Variants in STK32A observed in about 807,000 individuals in gnomAD.
The protein encoded by STK32A is serine/threonine-protein kinase 32A.
In STK32A, 41 loss-of-function variants were observed where a neutral mutation model predicts 53.2. The observed-to-expected ratio is 0.77, with a 90% CI of 0.60 to 1.00. The LOEUF (loss-of-function observed/expected upper bound fraction) is 1.00. Among genes scored for constraint, STK32A ranks in the 50% least tolerant of loss-of-function variants. The pLI, the probability that STK32A is intolerant of heterozygous loss-of-function variation, is 0.00. For synonymous variants in STK32A, 166 were observed against 162.8 expected, an observed-to-expected ratio of 1.02 and a Z score of -0.15; for missense variants, 458 against 485.8, an observed-to-expected ratio of 0.94 and a Z score of 0.54.
intron 11 of STK32A, chr5:147,375,942 C>G (rs1029623108): frequency 4.6e-5 from 7 of 152,132 alleles, no homozygotes; most frequent in African/African-American, 1.7e-4. Flanking sequence ...ATCCACACGA[C>G]CATTTCCATT....
At chr5:147,298,817 T>C (rs999480832) in intron 4 of STK32A, among the ~76,000 whole-genome samples, 6 of 152,168 alleles carry the variant, frequency 3.9e-5, no homozygotes. Context: ...CTCTAGAGAA[T>C]AACACATGAA....
At chr5:147,336,175 T>C (rs1755110451) in intron 5 of STK32A, among the ~76,000 whole-genome samples, 1 of 152,196 alleles carries the variant, frequency 6.6e-6, no homozygotes, top group East Asian at 1.9e-4. Context: ...TATATATACA[T>C]ACACACTCAT....
At chr5:147,361,409 G>A (rs551686274) in intron 7 of STK32A, 108 bp from the exon 8 acceptor site, 1 of 763,002 alleles carries the variant, frequency 1.3e-6, no homozygotes, top group African/African-American at 1.7e-5. Flanking sequence ...ATCCATAAAA[G>A]TGTTTATATT....
intron 4 of STK32A, among the ~76,000 whole-genome samples, chr5:147,280,303 G>T (rs1751991977): frequency 2.0e-5 from 3 of 151,868 alleles, no homozygotes; most frequent in South Asian, 4.2e-4. Context: ...CGGGGGCAGG[G>T]GATAAACCAA....
intron 8 of STK32A, among the ~76,000 whole-genome samples, chr5:147,362,891 T>A (rs1247591797): frequency 6.6e-6 from 1 of 151,866 alleles, no homozygotes; most frequent in Non-Finnish European, 1.5e-5. Flanking sequence ...GAGACCAGCC[T>A]GGGCCACATG....
At chr5:147,382,326 G>A (rs1757484533) in intron 11 of STK32A, among the ~76,000 whole-genome samples, 2 of 151,688 alleles carry the variant, frequency 1.3e-5, no homozygotes, top group Admixed American at 1.3e-4. Context: ...AGTTTTGTTT[G>A]CACATCATTT....
At chr5:147,396,908 A>G in the STK32A span, among the ~76,000 whole-genome samples, 1 of 148,382 alleles carries the variant, frequency 6.7e-6, no homozygotes, top group African/African-American at 2.5e-5. Flanking sequence ...AAAGTATAAT[A>G]CAATAAATAC....
At chr5:147,254,036 T>C (rs964775052) in intron 2 of STK32A, among the ~76,000 whole-genome samples, 2 of 152,122 alleles carry the variant, frequency 1.3e-5, no homozygotes, top group Non-Finnish European at 2.9e-5. Flanking sequence ...TAAAAACTAC[T>C]CTCTTTCCCT....
intron 7 of STK32A, among the ~76,000 whole-genome samples, chr5:147,351,830 A>G (rs1756000034): frequency 6.6e-6 from 1 of 152,186 alleles, no homozygotes; most frequent in Admixed American, 6.5e-5. Flanking sequence ...CTGGCGACAA[A>G]GCGAGATTTC....
At chr5:147,394,581 T>C in the STK32A span, among the ~76,000 whole-genome samples, 1 of 152,012 alleles carries the variant, frequency 6.6e-6, no homozygotes, top group Non-Finnish European at 1.5e-5. Flanking sequence ...GTCAGGTCTT[T>C]GTGACAACAG....
At chr5:147,366,521 A>G (rs191704791) in intron 8 of STK32A, among the ~76,000 whole-genome samples, 200 of 152,288 alleles carry the variant, frequency 1.3e-3, no homozygotes, top group Non-Finnish European at 1.7e-3. Flanking sequence ...CACCTATGAC[A>G]AAATAGCACT....
chr5:147,349,283 A>G (rs918796), intron 6 of STK32A, among the ~76,000 whole-genome samples: 7,769 of 152,252 alleles, frequency 0.051, 661 homozygotes, highest in African/African-American at 0.18. Flanking sequence ...CTGGTGATAA[A>G]GGCAGTGGGA....
At chr5:147,237,717 A>T (rs991909517) in intron 1 of STK32A, among the ~76,000 whole-genome samples, 1 of 152,198 alleles carries the variant, frequency 6.6e-6, no homozygotes, top group African/African-American at 2.4e-5. Flanking sequence ...TAAAGTCCAT[A>T]AGGCACTTTG....
chr5:147,268,452 T>TAA (rs199524964), intron 2 of STK32A, among the ~76,000 whole-genome samples: 4 of 151,270 alleles, frequency 2.6e-5, no homozygotes, highest in Non-Finnish European at 5.9e-5. Context: ...TCTATTTTGG[T>TAA]AAAAAAAAAG....
chr5:147,278,274 C>T lies in STK32A; in HGVS notation c.108+95C>T, dbSNP rs115044476. On this transcript the variant is annotated intron_variant, in intron 3 of 12. Transcript: ENST00000397936. ...GTTCACATTATTGAGTTGCTGGGACCGCAAGGAAAGATAATTAAGTGAAAA... is the reference window on the plus strand; with the variant it reads ...GTTCACATTATTGAGTTGCTGGGACTGCAAGGAAAGATAATTAAGTGAAAA... The T allele has an allele frequency of 9.3e-3, 9,351 of 1,008,256 alleles. 84 individuals carry two copies. Among genetic ancestry groups the T allele is most frequent in the Middle Eastern group, 0.029 (139 of 4,720 alleles). 62.5% of individuals were successfully genotyped at this position (1,008,256 alleles called of 1,614,324 possible).
At chr5:147,377,248 T>C (rs1757267869) in intron 11 of STK32A, among the ~76,000 whole-genome samples, 1 of 152,114 alleles carries the variant, frequency 6.6e-6, no homozygotes, top group African/African-American at 2.4e-5. Flanking sequence ...AATTTTCCAG[T>C]TTTCCTTCTG....
chr5:147,396,387 CT>C, the STK32A span, among the ~76,000 whole-genome samples: 93 of 152,302 alleles, frequency 6.1e-4, no homozygotes, highest in Non-Finnish European at 9.3e-4. Context: ...AACACGGTAC[CT>C]CCTGCAAAGG....
At chr5:147,251,192 A>T (rs1753982420) in intron 2 of STK32A, among the ~76,000 whole-genome samples, 1 of 152,164 alleles carries the variant, frequency 6.6e-6, no homozygotes, top group Non-Finnish European at 1.5e-5. Context: ...TTATATCCAG[A>T]AGGACATCAC....
At chr5:147,342,887 A>G (rs1755497409) in intron 5 of STK32A, 119 bp from the exon 6 acceptor site, 2 of 789,284 alleles carry the variant, frequency 2.5e-6, no homozygotes, top group South Asian at 1.7e-5. Flanking sequence ...GAAGATGAGT[A>G]TTGAGAAGCT....
Sources: allele counts gnomAD v4.1 joint callset (sites outside exome capture counted in the v4.1 genomes callset), GRCh38; gene constraint gnomAD v4.1.1; transcripts MANE v1.5; gene names NCBI Gene and HGNC (gene_info 2026-07-23, HGNC 2026-07-21).